Variants in FNIP2 observed in about 807,000 individuals in gnomAD.
FNIP2 encodes the protein folliculin interacting protein 2.
Under a neutral mutation model 108.7 loss-of-function variants are expected in FNIP2, and 32 were observed. The observed-to-expected ratio is 0.29, with a 90% CI of 0.22 to 0.40. FNIP2 has a LOEUF of 0.40. FNIP2 is among the 10% of genes least tolerant of loss of function. FNIP2 has a pLI of 1.00. For missense variants in FNIP2, 1,202 were observed against 1,381.6 expected (o/e 0.87, Z 2.06); for synonymous variants, 480 against 496.7 (o/e 0.97, Z 0.45).
chr4:158,771,459 C>G (rs970873262), intron 1 of FNIP2, among the ~76,000 whole-genome samples: 2 of 152,170 alleles, frequency 1.3e-5, no homozygotes, highest in Admixed American at 1.3e-4. Flanking sequence ...ACCTGTGTTT[C>G]ATTTTACCCA....
At chr4:158,797,007 T>A (rs144748289) in intron 1 of FNIP2, among the ~76,000 whole-genome samples, 2,870 of 152,334 alleles carry the variant, frequency 0.019, 45 homozygotes, top group Non-Finnish European at 0.029. Flanking sequence ...GAGAGTCTGC[T>A]GATTCAGAGC....
In FNIP2 at chr4:158,851,364, C is replaced by G; in HGVS notation, c.771C>G (p.Ser257Arg). 6.2e-7 allele frequency: 1 copy of G among 1,614,012 alleles called. No individual in the cohort carries two copies. The highest frequency in any genetic ancestry group is 1.3e-5 in the African/African-American group (1 of 75,054). Residue 257 changes from serine to arginine, a missense_variant, in exon 8 of 17, where the codon AGC (serine) becomes AGG (arginine). Around this residue, in one of 5 missense-constraint regions of FNIP2, gnomAD observed 878 missense variants for 990.3 expected, o/e 0.89. Coordinates refer to ENST00000264433, the MANE Select transcript of FNIP2 (RefSeq NM_020840.3). ...TGATCACACCTTTCCCATCTCCAAG[C>G]TCCTCTACATCTTCTTCCAGCAGTT... ...SLLITPFPSP[S>R]SSTSSSSSYQ...
rs775569530 is a variant in FNIP2, at chr4:158,904,575, G to GA, written c.*38dup. The GA allele has an allele frequency of 9.5e-6, 15 of 1,581,464 alleles. No individual in the cohort carries two copies. The East Asian group carries it at 1.8e-4, about 19-fold the overall frequency. ...AGCTCAGGACAGTTCTTCCTTGGAA[G>GA]AAAAAAATCAAATTCTCAACTGAAG... On this transcript the variant is annotated 3_prime_UTR_variant, in exon 17 of 17. Transcript: ENST00000264433.
chr4:158,812,225 A>G (rs755232419), intron 1 of FNIP2, among the ~76,000 whole-genome samples: 10 of 152,170 alleles, frequency 6.6e-5, no homozygotes, highest in Non-Finnish European at 1.3e-4. Context: ...GCAGTAACTA[A>G]TGTCTTACTG....
At chr4:158,862,468 A>G (rs879914476) in intron 12 of FNIP2, among the ~76,000 whole-genome samples, 3 of 152,184 alleles carry the variant, frequency 2.0e-5, no homozygotes, top group South Asian at 2.1e-4. Context: ...TTCTAAATCA[A>G]TTAAAGAATT....
chr4:158,891,813 G>A (rs1020120399), intron 15 of FNIP2, among the ~76,000 whole-genome samples, 167 bp downstream of exon 15: 2 of 152,188 alleles, frequency 1.3e-5, no homozygotes, highest in Non-Finnish European at 2.9e-5. Flanking sequence ...ATAGATTTCA[G>A]TAGTAATAGC....
chr4:158,794,263 C>T (rs555373248), intron 1 of FNIP2, among the ~76,000 whole-genome samples: 57 of 152,144 alleles, frequency 3.7e-4, no homozygotes, highest in Middle Eastern at 3.4e-3. Flanking sequence ...AGCAATCCTC[C>T]GGCCTCAGCC....
At chr4:158,855,201 A>G (rs1004105955) in intron 8 of FNIP2, among the ~76,000 whole-genome samples, 10 of 152,166 alleles carry the variant, frequency 6.6e-5, no homozygotes, top group African/African-American at 2.4e-4. Flanking sequence ...TTGTCTCATT[A>G]GACTTCATCC....
intron 1 of FNIP2, among the ~76,000 whole-genome samples, chr4:158,789,368 C>T (rs996725739): frequency 2.6e-5 from 4 of 152,074 alleles, no homozygotes; most frequent in Non-Finnish European, 5.9e-5. Flanking sequence ...ATTCAGAACG[C>T]ATTTTTTCAT....
intron 14 of FNIP2, chr4:158,871,528 A>G (rs1397137251): frequency 1.0e-6 from 1 of 985,186 alleles, no homozygotes; most frequent in African/African-American, 1.7e-5. Flanking sequence ...GTGAAGTGGG[A>G]AAAAAACTCA....
intron 1 of FNIP2, among the ~76,000 whole-genome samples, chr4:158,771,628 G>A (rs1187148576): frequency 1.3e-5 from 2 of 152,178 alleles, no homozygotes; most frequent in African/African-American, 4.8e-5. Context: ...ACATGAATTT[G>A]TATTCTTTAG....
At chr4:158,871,385 C>T in intron 14 of FNIP2, 11 of 985,268 alleles carry the variant, frequency 1.1e-5, no homozygotes, top group Non-Finnish European at 1.3e-5. Context: ...GGCCTGTTAC[C>T]TACCTCCTTG....
Position 158,860,764 on chromosome 4 carries a change from C to G in FNIP2, c.1149-578C>G, listed in dbSNP as rs149439072. On this transcript the variant is annotated intron_variant, in intron 10 of 16. Transcript: ENST00000264433. ...CTTCACCTCCTGGGTTCAAGCGATT[C>G]TCCTGCCTCAGCCTCCCGAGTAGCT... 7.0e-3 allele frequency among the ~76,000 whole-genome samples: 1,054 copies of G among 150,098 alleles called. 13 individuals carry two copies. The highest frequency in any genetic ancestry group is 0.024 in the African/African-American group (974 of 40,810).
At chr4:158,805,760 G>GT (rs1262892924) in intron 1 of FNIP2, among the ~76,000 whole-genome samples, 1 of 152,234 alleles carries the variant, frequency 6.6e-6, no homozygotes, top group Admixed American at 6.5e-5. Flanking sequence ...CTGAAGGCAA[G>GT]TCACTGCATT....
At chr4:158,785,087 C>CTTTTTTTTT (rs397805773) in intron 1 of FNIP2, among the ~76,000 whole-genome samples, 12 of 123,176 alleles carry the variant, frequency 9.7e-5, no homozygotes, top group African/African-American at 3.0e-4. Context: ...TAAAGTTCCT[C>CTTTTTTTTT]TTTTTTTTTT....
intron 14 of FNIP2, chr4:158,872,135 G>A: frequency 2.0e-6 from 2 of 985,380 alleles, no homozygotes; most frequent in Non-Finnish European, 2.4e-6. Flanking sequence ...GAACTAATGG[G>A]ATTGTCCTCA....
At chr4:158,838,710 T>C (rs767026178) in intron 7 of FNIP2, among the ~76,000 whole-genome samples, 2 of 152,224 alleles carry the variant, frequency 1.3e-5, no homozygotes, top group Non-Finnish European at 2.9e-5. Flanking sequence ...TTGTTACAAT[T>C]AATGAACCAA....
At chr4:158,813,881 C>CT (rs986178009) in intron 1 of FNIP2, among the ~76,000 whole-genome samples, 7 of 151,984 alleles carry the variant, frequency 4.6e-5, no homozygotes, top group South Asian at 2.1e-4. Flanking sequence ...TGTCGAGATT[C>CT]TTTTTTTTGC....
intron 8 of FNIP2, among the ~76,000 whole-genome samples, 161 bp downstream of exon 8, chr4:158,851,611 G>A (rs1300353819): frequency 6.6e-6 from 1 of 152,192 alleles, no homozygotes; most frequent in Admixed American, 6.5e-5. Context: ...AGTTCTAAAG[G>A]GAAGAATAAA....
Sources: allele counts gnomAD v4.1 joint callset (sites outside exome capture counted in the v4.1 genomes callset), GRCh38; gene constraint gnomAD v4.1.1; regional missense constraint gnomAD v4.1.1; transcripts MANE v1.5; gene names NCBI Gene and HGNC (gene_info 2026-07-23, HGNC 2026-07-21).